CMSS1: variants seen among roughly 807,000 people sequenced by gnomAD.
CMSS1 encodes the protein protein CMSS1.
CMSS1 carries 33 observed loss-of-function variants against 43.5 expected under a neutral mutation model. The observed-to-expected ratio is 0.76, with a 90% CI of 0.57 to 1.01. The LOEUF (loss-of-function observed/expected upper bound fraction) is 1.01, where lower values mean the gene tolerates loss of function less well. CMSS1 is among the 50% of genes least tolerant of loss of function. The pLI is 0.00. For missense variants in CMSS1, 313 were observed against 326.4 expected, an observed-to-expected ratio of 0.96 and a Z score of 0.32; for synonymous variants, 115 against 117.2, an observed-to-expected ratio of 0.98 and a Z score of 0.12.
At chr3:100,034,410 G>T (rs1240476906) in intron 1 of CMSS1, among the ~76,000 whole-genome samples, 2 of 152,190 alleles carry the variant, frequency 1.3e-5, no homozygotes, top group African/African-American at 2.4e-5. Context: ...AGATGTAATG[G>T]AAAGAATTCA....
intron 1 of CMSS1, among the ~76,000 whole-genome samples, chr3:99,882,867 T>C (rs1705773899): frequency 2.0e-5 from 3 of 152,240 alleles, no homozygotes; most frequent in Non-Finnish European, 4.4e-5. Flanking sequence ...GCATTTGTTT[T>C]AAATTGGAGA....
intron 1 of CMSS1, among the ~76,000 whole-genome samples, chr3:99,911,358 A>G (rs1434760418): frequency 6.7e-6 from 1 of 150,008 alleles, no homozygotes; most frequent in Admixed American, 6.7e-5. Flanking sequence ...CAAAATAATA[A>G]GTATTATTAT....
intron 1 of CMSS1, among the ~76,000 whole-genome samples, chr3:99,910,993 C>T (rs879770180): frequency 6.6e-6 from 1 of 152,062 alleles, no homozygotes; most frequent in African/African-American, 2.4e-5. Context: ...AATAAATAGA[C>T]GCTCCTGTTT....
chr3:99,928,250 C>A (rs1294155872), intron 1 of CMSS1, among the ~76,000 whole-genome samples: 1 of 152,192 alleles, frequency 6.6e-6, no homozygotes, highest in Non-Finnish European at 1.5e-5. Flanking sequence ...GGGCATTCCC[C>A]TCTCACCTAG....
intron 4 of CMSS1, among the ~76,000 whole-genome samples, chr3:100,165,545 C>G (rs1479701801): frequency 6.6e-6 from 1 of 152,048 alleles, no homozygotes; most frequent in East Asian, 1.9e-4. Context: ...TCACTTGACA[C>G]TTTTTCCAGA....
chr3:100,040,222 C>T (rs911187168), intron 1 of CMSS1: 1 of 152,058 alleles, frequency 6.6e-6, no homozygotes, highest in African/African-American at 2.4e-5. Flanking sequence ...CCACTTACAA[C>T]ATAAGATTAA....
intron 1 of CMSS1, among the ~76,000 whole-genome samples, chr3:100,042,300 A>AT (rs971083526): frequency 5.2e-4 from 79 of 151,658 alleles, no homozygotes; most frequent in Non-Finnish European, 7.2e-4. Flanking sequence ...TATAAACTTG[A>AT]TTTTTTTTTG....
Position 100,159,692 on chromosome 3 carries a change from A to G in CMSS1, c.154-738A>G, listed in dbSNP as rs1012835966. The G allele has an allele frequency of 4.7e-5, 11 of 235,696 alleles. No individual in the cohort carries two copies. In the Middle Eastern group the frequency reaches 1.7e-3, roughly 36 times the overall value. 14.6% of individuals were successfully genotyped at this position (235,696 alleles called of 1,614,324 possible). ...ATAAATATGGAATCTGGGGCATTCT[A>G]TTTTATAAATCAAGGTCTTAGTCCA... On this transcript the variant is annotated intron_variant, in intron 2 of 9. Coordinates refer to ENST00000421999, the MANE Select transcript of CMSS1 (RefSeq NM_032359.4).
chr3:100,152,460 GA>G (rs1234351704), intron 2 of CMSS1, among the ~76,000 whole-genome samples: 1 of 152,104 alleles, frequency 6.6e-6, no homozygotes, highest in Non-Finnish European at 1.5e-5. Flanking sequence ...CCCTTGCTGA[GA>G]GAATATGAGG....
chr3:99,978,532 G>A (rs1709032731), intron 1 of CMSS1, among the ~76,000 whole-genome samples: 1 of 152,214 alleles, frequency 6.6e-6, no homozygotes, highest in Admixed American at 6.5e-5. Flanking sequence ...AATAAGCCAG[G>A]CACAGAAGGA....
At chr3:100,157,451 T>C (rs1313865570) in intron 2 of CMSS1, among the ~76,000 whole-genome samples, 3 of 152,214 alleles carry the variant, frequency 2.0e-5, no homozygotes, top group African/African-American at 7.2e-5. Flanking sequence ...TCCATTCTTA[T>C]TGAAGAGAGA....
intron 1 of CMSS1, chr3:99,847,938 A>C: frequency 1.0e-6 from 1 of 1,001,378 alleles, no homozygotes; most frequent in Non-Finnish European, 1.2e-6. Flanking sequence ...TAAAAATAAC[A>C]AATTATTTAC....
intron 1 of CMSS1, among the ~76,000 whole-genome samples, chr3:99,869,568 C>G (rs113402408): frequency 0.039 from 6,013 of 152,242 alleles, 146 homozygotes; most frequent in Non-Finnish European, 0.062. Context: ...TAAGGGACTT[C>G]CACAATATCT....
chr3:100,007,457 A>G (rs1403558129), intron 1 of CMSS1, among the ~76,000 whole-genome samples: 1 of 152,188 alleles, frequency 6.6e-6, no homozygotes, highest in Non-Finnish European at 1.5e-5. Context: ...CCACAGAAAA[A>G]AATGAGAAGA....
chr3:100,052,725 A>G (rs1454951432), intron 1 of CMSS1, among the ~76,000 whole-genome samples: 1 of 152,226 alleles, frequency 6.6e-6, no homozygotes, highest in East Asian at 1.9e-4. Flanking sequence ...TACAAAGGCA[A>G]GGTGGAAGGT....
intron 1 of CMSS1, among the ~76,000 whole-genome samples, chr3:100,060,860 T>C (rs1188315793): frequency 1.3e-5 from 2 of 151,868 alleles, no homozygotes; most frequent in Non-Finnish European, 2.9e-5. Flanking sequence ...AGATCTTGTC[T>C]CGAAAAAATA....
chr3:100,028,581 TA>T (rs1441077710), intron 1 of CMSS1, among the ~76,000 whole-genome samples: 1 of 152,196 alleles, frequency 6.6e-6, no homozygotes, highest in Non-Finnish European at 1.5e-5. Flanking sequence ...CATTATTTTT[TA>T]AAAATAATAT....
chr3:99,879,806 A>T (rs1480859110), intron 1 of CMSS1, among the ~76,000 whole-genome samples: 1 of 152,204 alleles, frequency 6.6e-6, no homozygotes, highest in Non-Finnish European at 1.5e-5. Flanking sequence ...AAACAGCAAG[A>T]CCTGTATAAG....
At chr3:100,084,937 C>A (rs1286233282) in intron 1 of CMSS1, among the ~76,000 whole-genome samples, 3 of 152,158 alleles carry the variant, frequency 2.0e-5, no homozygotes, top group African/African-American at 7.2e-5. Context: ...GTAATGAATC[C>A]AAAAATTATC....
Sources: gnomAD v4.1 joint callset for allele counts (sites outside exome capture counted in the v4.1 genomes callset) on GRCh38, gnomAD v4.1.1 for gene constraint, MANE v1.5 for transcripts, NCBI Gene and HGNC (gene_info 2026-07-23, HGNC 2026-07-21) for gene names.